SLC9C1: variants seen among roughly 807,000 people sequenced by gnomAD.
SLC9C1 encodes the protein solute carrier family 9 member C1.
SLC9C1 carries 97 observed loss-of-function variants against 140.9 expected under a neutral mutation model. The ratio of observed to expected loss-of-function variants is 0.69; its 90% CI spans 0.58 to 0.82. The LOEUF (loss-of-function observed/expected upper bound fraction) is 0.82, where lower values mean the gene tolerates loss of function less well. Ranked by LOEUF, SLC9C1 falls within the 40% of genes least tolerant of loss-of-function variation. The pLI, the probability that SLC9C1 is intolerant of heterozygous loss-of-function variation, is 0.00. For synonymous variants in SLC9C1, 440 were observed against 442.6 expected (o/e 0.99, Z 0.07); for missense variants, 1,340 against 1,389.3 (o/e 0.96, Z 0.56).
chr3:112,233,369 G>A (rs9865494), intron 12 of SLC9C1, among the ~76,000 whole-genome samples: 89,884 of 151,892 alleles, frequency 0.59, 27,117 homozygotes, highest in East Asian at 0.79. Flanking sequence ...GCTGACCTAT[G>A]ATGTCTTTTA....
At chr3:112,274,209 C>T (rs56852402) in intron 6 of SLC9C1, among the ~76,000 whole-genome samples, 43,723 of 151,822 alleles carry the variant, frequency 0.29, 6,436 homozygotes, top group East Asian at 0.36. Flanking sequence ...GAGAGGAGCA[C>T]ATAAGATGCT....
At position 112,272,459 on chromosome 3, in the gene SLC9C1, A is replaced by G. The variant is rs185445618; in HGVS notation, c.614-2382T>C. ...ATATGTGCTAACTTCACAGATTAGT[A>G]ACACTGTTTAAATAATTACAGAAGT... On this transcript the variant is annotated intron_variant, in intron 6 of 28. Transcript: ENST00000305815. Among the ~76,000 whole-genome samples the G allele has an allele frequency of 1.3e-3, 203 of 151,942 alleles. 2 individuals carry two copies. The highest frequency in any genetic ancestry group is 5.8e-3 in the Admixed American group (89 of 15,264).
Position 112,180,558 on chromosome 3 carries a change from C to T in SLC9C1, c.2748+6G>A, listed in dbSNP as rs2077420209. ...AAACAAAACAAAACAAAAACCTCTGCCTTACCTTTACCATGCCTGAAATAA... is the reference window on the plus strand; with the variant it reads ...AAACAAAACAAAACAAAAACCTCTGTCTTACCTTTACCATGCCTGAAATAA... On this transcript the variant is annotated splice_donor_region_variant and intron_variant, in intron 22 of 28. Coordinates refer to ENST00000305815, the MANE Select transcript of SLC9C1 (RefSeq NM_183061.3). 1 of 1,597,864 alleles carries T rather than the reference C, an allele frequency of 6.3e-7. No homozygotes were observed. Among genetic ancestry groups the T allele is most frequent in the Non-Finnish European group, 8.5e-7 (1 of 1,174,498 alleles).
intron 10 of SLC9C1, among the ~76,000 whole-genome samples, chr3:112,262,586 C>A (rs6781683): frequency 0.27 from 41,144 of 151,708 alleles, 5,961 homozygotes; most frequent in Middle Eastern, 0.3. Flanking sequence ...CTAAATGAGC[C>A]TCAGAAAGTT....
At chr3:112,157,168 C>G (rs2075149265) in intron 26 of SLC9C1, among the ~76,000 whole-genome samples, 2 of 151,860 alleles carry the variant, frequency 1.3e-5, no homozygotes, top group Admixed American at 1.3e-4. Flanking sequence ...ATTTAAGTCT[C>G]TAATCCATTT....
At chr3:112,240,085 T>A in intron 11 of SLC9C1, 79 bp from the exon 12 acceptor site, 1 of 1,309,770 alleles carries the variant, frequency 7.6e-7, no homozygotes, top group Non-Finnish European at 1.0e-6. Context: ...CTTTTGTTTT[T>A]AACTTATTGT....
intron 10 of SLC9C1, among the ~76,000 whole-genome samples, chr3:112,259,115 C>T (rs377360708): frequency 3.3e-5 from 5 of 152,040 alleles, no homozygotes; most frequent in South Asian, 2.1e-4. Flanking sequence ...TATTATGCAG[C>T]CACATAAAAG....
chr3:112,233,312 C>T (rs1302845730), intron 12 of SLC9C1, among the ~76,000 whole-genome samples: 2 of 152,078 alleles, frequency 1.3e-5, no homozygotes, highest in East Asian at 1.9e-4. Flanking sequence ...AGCAATTCAC[C>T]TGCCTTGGCT....
chr3:112,214,266 A>G (rs1197279729), intron 15 of SLC9C1, among the ~76,000 whole-genome samples: 1 of 152,258 alleles, frequency 6.6e-6, no homozygotes, highest in East Asian at 1.9e-4. Flanking sequence ...GGAAAAATCT[A>G]TAATTGACAC....
chr3:112,285,307 C>T (rs1214193325), intron 2 of SLC9C1, among the ~76,000 whole-genome samples: 1 of 152,056 alleles, frequency 6.6e-6, no homozygotes, highest in Non-Finnish European at 1.5e-5. Flanking sequence ...GGTATGATCT[C>T]GGCTCACTGC....
chr3:112,196,676 A>T (rs907537761), intron 20 of SLC9C1, among the ~76,000 whole-genome samples: 2 of 151,904 alleles, frequency 1.3e-5, no homozygotes, highest in East Asian at 3.9e-4. Context: ...CCCTTAGGAA[A>T]TTTTTAGATT....
intron 28 of SLC9C1, among the ~76,000 whole-genome samples, chr3:112,150,837 T>TAAATACAC (rs2074950584): frequency 2.0e-5 from 1 of 50,480 alleles, no homozygotes; most frequent in African/African-American, 1.5e-4. Context: ...TATATATATA[T>TAAATACAC]ATATTTTTTT....
At chr3:112,268,054 C>T (rs1429421103) in intron 7 of SLC9C1, among the ~76,000 whole-genome samples, 2 of 152,100 alleles carry the variant, frequency 1.3e-5, no homozygotes, top group African/African-American at 2.4e-5. Flanking sequence ...TGAGACATCT[C>T]GACTCTAAAA....
chr3:112,142,259 C>T (rs957979142), intron 28 of SLC9C1, among the ~76,000 whole-genome samples: 2 of 152,064 alleles, frequency 1.3e-5, no homozygotes, highest in African/African-American at 4.8e-5. Context: ...AAAAAGTTGT[C>T]AATTAAAAAA....
At chr3:112,246,784 T>C (rs573693384) in intron 10 of SLC9C1, among the ~76,000 whole-genome samples, 1 of 152,296 alleles carries the variant, frequency 6.6e-6, no homozygotes, top group South Asian at 2.1e-4. Flanking sequence ...TTCAGCAGCA[T>C]TAATGGTGCC....
chr3:112,194,520 A>G (rs1032413953), intron 20 of SLC9C1, among the ~76,000 whole-genome samples: 2 of 152,166 alleles, frequency 1.3e-5, no homozygotes, highest in African/African-American at 4.8e-5. Context: ...CTAGTGTGCC[A>G]TCTTGCCTAT....
intron 28 of SLC9C1, among the ~76,000 whole-genome samples, chr3:112,144,596 A>C (rs1446229301): frequency 1.3e-5 from 2 of 152,018 alleles, no homozygotes; most frequent in Non-Finnish European, 2.9e-5. Flanking sequence ...ATGTTTCTCC[A>C]TTTGTTTATG....
Position 112,249,273 on chromosome 3 carries a change from T to A in SLC9C1, c.1198-5197A>T, listed in dbSNP as rs542395289. ...CATTTACTTATTTGTATGTATTGAA[T>A]CTACCTGGCATCCAAAGGATAAAGC... On this transcript the variant is annotated intron_variant, in intron 10 of 28. Coordinates refer to ENST00000305815, the MANE Select transcript of SLC9C1 (RefSeq NM_183061.3). Among the ~76,000 whole-genome samples the A allele has an allele frequency of 1.6e-4, 25 of 151,790 alleles. No homozygotes were observed. In the South Asian group the frequency reaches 4.8e-3, roughly 29 times the overall value.
At chr3:112,209,066 A>C (rs6781004) in intron 15 of SLC9C1, among the ~76,000 whole-genome samples, 114,592 of 151,870 alleles carry the variant, frequency 0.75, 43,639 homozygotes, top group East Asian at 0.99. Flanking sequence ...CAAGTAGTAT[A>C]GTAATACACT....
Sources: gnomAD v4.1 joint callset for allele counts (sites outside exome capture counted in the v4.1 genomes callset) on GRCh38, gnomAD v4.1.1 for gene constraint, MANE v1.5 for transcripts, NCBI Gene and HGNC (gene_info 2026-07-23, HGNC 2026-07-21) for gene names.